The following SLC9A3 variants were observed in gnomAD, a reference collection of about 807,000 sequenced individuals.
The protein encoded by SLC9A3 is sodium/hydrogen exchanger 3.
In SLC9A3, 37 loss-of-function variants were observed where a neutral mutation model predicts 86.8. The observed-to-expected ratio is 0.43, with a 90% confidence interval of 0.33 to 0.56. SLC9A3 has a LOEUF of 0.56. SLC9A3 is among the 20% of genes least tolerant of loss of function. SLC9A3 has a pLI of 0.06. For missense variants in SLC9A3, 1,011 were observed against 1,171.9 expected (o/e 0.86, Z 2.00); for synonymous variants, 581 against 528.3 (o/e 1.10, Z -1.37).
chr5:519,229 C>T (rs1375142051), intron 1 of SLC9A3, among the ~76,000 whole-genome samples: 2 of 152,198 alleles, frequency 1.3e-5, no homozygotes, highest in African/African-American at 2.4e-5. Context: ...CACTGGTCCT[C>T]TCCTGGGAGG....
Position 476,089 on chromosome 5 carries a change from T to A in SLC9A3, c.2071A>T (p.Asn691Tyr). The change falls in exon 14 of 17, where the codon AAC (asparagine) becomes TAC (tyrosine). Residue 691 changes from asparagine to tyrosine, a missense_variant. By Grantham distance (143) the Asn-to-Tyr change is moderately radical (BLOSUM62 -2). Coordinates refer to ENST00000264938, the MANE Select transcript of SLC9A3 (RefSeq NM_004174.4). Reference sequence around the variant, plus strand: ...AGCTTCCCATTGGGGATGCTGCTGTTTCTCTGCGGAGCAAACGTGAAGCTG... The same window carrying A: ...AGCTTCCCATTGGGGATGCTGCTGTATCTCTGCGGAGCAAACGTGAAGCTG... ...YKRERAQKRRNSSIPNGKLPM... is the reference protein window; with the variant it reads ...YKRERAQKRRYSSIPNGKLPM... 6.2e-7 allele frequency: 1 copy of A among 1,613,454 alleles called. No homozygotes were observed. The highest frequency in any genetic ancestry group is 8.5e-7 in the Non-Finnish European group (1 of 1,179,896).
At chr5:522,339 T>A (rs2126662571) in intron 1 of SLC9A3, among the ~76,000 whole-genome samples, 2 of 152,366 alleles carry the variant, frequency 1.3e-5, no homozygotes, top group Middle Eastern at 6.8e-3. Context: ...CCCTGGTCAG[T>A]GTGCCTTATC....
chr5:484,773 C>G, intron 4 of SLC9A3, 76 bp from the exon 5 acceptor site: 1 of 1,437,096 alleles, frequency 7.0e-7, no homozygotes, highest in Non-Finnish European at 9.7e-7. Flanking sequence ...GGTGACCCCG[C>G]GGAAGTGCCG....
At chr5:485,273 G>T in intron 3 of SLC9A3, 42 bp from the exon 4 acceptor site, 2 of 1,538,144 alleles carry the variant, frequency 1.3e-6, no homozygotes, top group Non-Finnish European at 1.8e-6. Flanking sequence ...TCCTTGGTTA[G>T]TGCCACCCCC....
At chr5:482,212 G>C in intron 7 of SLC9A3, 55 bp from the exon 8 acceptor site, 1 of 1,371,762 alleles carries the variant, frequency 7.3e-7, no homozygotes, top group Admixed American at 1.8e-5. Context: ...CATCCCGCTG[G>C]CCCGGCCAGG....
chr5:504,452 A>G (rs1212925130), intron 1 of SLC9A3, among the ~76,000 whole-genome samples: 1 of 152,122 alleles, frequency 6.6e-6, no homozygotes, highest in Non-Finnish European at 1.5e-5. Flanking sequence ...GGGCCGTTGG[A>G]TTTGGCCCTC....
At position 471,176 on chromosome 5, in the gene SLC9A3, G is replaced by C. The variant is rs1181090164; in HGVS notation, c.*2203C>G. ...AAGACCGACCAGTCAAGGAGGTGTT[G>C]GTGGGAGTGTTGTGTTCACCATGTG... is the stretch of plus-strand genomic sequence containing the variant. On this transcript the variant is annotated 3_prime_UTR_variant, in exon 17 of 17. Transcript: ENST00000264938. 6.4e-6 allele frequency: 1 copy of C among 157,412 alleles called. No individual in the cohort carries two copies. The highest frequency in any genetic ancestry group is 1.4e-5 in the Non-Finnish European group (1 of 70,756). The allele number at this position is 157,412 out of a possible 1,614,324, so 9.8% of individuals were successfully genotyped here. A position where few individuals can be genotyped will look rare whatever the true frequency, so the allele number is the denominator to read the frequency against.
chr5:475,180 G>T (rs1417995497), intron 15 of SLC9A3, 48 bp from the exon 16 acceptor site: 2 of 1,523,032 alleles, frequency 1.3e-6, no homozygotes, highest in Non-Finnish European at 8.8e-7. Context: ...GCCCCACGGC[G>T]GCAGGGGAGA....
At chr5:506,090 T>G (rs11956075) in intron 1 of SLC9A3, among the ~76,000 whole-genome samples, 88 of 152,162 alleles carry the variant, frequency 5.8e-4, no homozygotes, top group African/African-American at 2.0e-3. Flanking sequence ...AGGTAGACGG[T>G]GAGGGCAGCT....
At chr5:479,180 C>T (rs1738984260) in intron 10 of SLC9A3, 1 of 152,650 alleles carries the variant, frequency 6.6e-6, no homozygotes, top group Admixed American at 6.5e-5. Flanking sequence ...GCTGTGCCCC[C>T]AGGCCCTGCC....
At chr5:492,119 G>A (rs1414644248) in intron 1 of SLC9A3, 48 bp from the exon 2 acceptor site, 17 of 1,166,062 alleles carry the variant, frequency 1.5e-5, no homozygotes, top group Non-Finnish European at 1.9e-5. Context: ...AGGGAGGGGA[G>A]GGAGGTCAGG....
intron 1 of SLC9A3, among the ~76,000 whole-genome samples, chr5:493,258 A>C (rs918210166): frequency 6.6e-6 from 1 of 152,254 alleles, no homozygotes; most frequent in African/African-American, 2.4e-5. Context: ...CTGGTTATTA[A>C]GTCTTCTTTG....
intron 1 of SLC9A3, among the ~76,000 whole-genome samples, chr5:492,859 CT>C (rs1254598860): frequency 5.3e-5 from 8 of 152,134 alleles, no homozygotes; most frequent in Non-Finnish European, 8.8e-5. Context: ...CTGTGGCCCC[CT>C]CTCCTCGTGC....
intron 9 of SLC9A3, chr5:480,199 A>G: frequency 2.1e-6 from 1 of 478,184 alleles, no homozygotes; most frequent in Non-Finnish European, 3.8e-6. Flanking sequence ...CCTCCTCCAG[A>G]GGGTGGCTCA....
intron 1 of SLC9A3, among the ~76,000 whole-genome samples, chr5:493,482 G>A (rs563932059): frequency 5.3e-5 from 8 of 152,370 alleles, no homozygotes; most frequent in South Asian, 4.1e-4. Context: ...TTGTAATTAC[G>A]GAGCTCTTGC....
At chr5:479,645 C>CT in intron 10 of SLC9A3, 191 bp downstream of exon 10, 1 of 589,980 alleles carries the variant, frequency 1.7e-6, no homozygotes, top group Non-Finnish European at 3.0e-6. Context: ...GACTCTGTGA[C>CT]TCAGTTTACC....
In SLC9A3 at chr5:472,132, TC is replaced by T; in HGVS notation, c.*1246del. The stretch of plus-strand genomic sequence containing the variant: ...AGGGATGGATGGACTCCGAGCACCC[TC>T]CCCGGCTCAGCACCCGCGGCCTCCG... On this transcript the variant is annotated 3_prime_UTR_variant, in exon 17 of 17. Transcript: ENST00000264938. 5.1e-6 allele frequency: 2 copies of T among 391,444 alleles called. No homozygotes were observed. The highest frequency in any genetic ancestry group is 5.1e-6 in the Non-Finnish European group (1 of 196,678). The allele number at this position is 391,444 out of a possible 1,614,324, so 24.2% of individuals were successfully genotyped here.
chr5:480,278 A>C (rs889229141), intron 9 of SLC9A3: 1 of 303,866 alleles, frequency 3.3e-6, no homozygotes, highest in Non-Finnish European at 6.2e-6. Flanking sequence ...CTTCAGGTGC[A>C]CAGGAGGAAG....
chr5:493,350 C>T (rs140282744), intron 1 of SLC9A3, among the ~76,000 whole-genome samples: 136 of 152,380 alleles, frequency 8.9e-4, no homozygotes, highest in South Asian at 3.7e-3. Flanking sequence ...GCTCCCTCCA[C>T]ACCACCCGCC....
Sources: gnomAD v4.1 joint callset for allele counts (sites outside exome capture counted in the v4.1 genomes callset) on GRCh38, gnomAD v4.1.1 for gene constraint, MANE v1.5 for transcripts, NCBI Gene and HGNC (gene_info 2026-07-23, HGNC 2026-07-21) for gene names.